PRKCB: variants seen among roughly 807,000 people sequenced by gnomAD.
PRKCB encodes the protein protein kinase C beta.
A neutral mutation model predicts 81.5 loss-of-function variants in PRKCB; 13 were observed. That is an observed-to-expected ratio of 0.16 (90% CI 0.10 to 0.25). The LOEUF (loss-of-function observed/expected upper bound fraction) is 0.25, where lower values mean the gene tolerates loss of function less well. Among genes scored for constraint, PRKCB ranks in the 10% least tolerant of loss-of-function variants. The pLI, the probability that PRKCB is intolerant of heterozygous loss-of-function variation, is 1.00. For missense variants in PRKCB, 509 were observed against 875.7 expected (o/e 0.58, Z 5.29); for synonymous variants, 335 against 321.4 (o/e 1.04, Z -0.45).
intron 2 of PRKCB, among the ~76,000 whole-genome samples, chr16:23,868,072 AC>A (rs1424684096): frequency 6.6e-6 from 1 of 152,084 alleles, no homozygotes; most frequent in Non-Finnish European, 1.5e-5. Flanking sequence ...TTATACACTG[AC>A]CTCAGCCTTT....
intron 10 of PRKCB, among the ~76,000 whole-genome samples, chr16:24,158,395 A>G (rs1297851040): frequency 6.6e-6 from 1 of 152,174 alleles, no homozygotes; most frequent in Non-Finnish European, 1.5e-5. Flanking sequence ...TTCTGTCATC[A>G]TTCCCATTGT....
intron 3 of PRKCB, among the ~76,000 whole-genome samples, chr16:23,991,992 G>A (rs1964891736): frequency 6.6e-6 from 1 of 152,214 alleles, no homozygotes; most frequent in Admixed American, 6.5e-5. Context: ...CTTGGGAGGT[G>A]ATCAGTTCAT....
chr16:24,169,706 A>G (rs1967410372), intron 10 of PRKCB, among the ~76,000 whole-genome samples: 1 of 152,016 alleles, frequency 6.6e-6, no homozygotes, highest in South Asian at 2.1e-4. Context: ...GGTACTCCCA[A>G]TCCTCCATAC....
At chr16:23,880,511 C>T (rs530946445) in intron 2 of PRKCB, among the ~76,000 whole-genome samples, 24 of 152,160 alleles carry the variant, frequency 1.6e-4, no homozygotes, top group Non-Finnish European at 3.4e-4. Flanking sequence ...CTGTTTGGGT[C>T]TCTGTGGGTG....
chr16:23,917,980 A>G (rs111867894), intron 2 of PRKCB, among the ~76,000 whole-genome samples: 5 of 152,338 alleles, frequency 3.3e-5, no homozygotes, highest in African/African-American at 1.2e-4. Context: ...AGCCCTGAAT[A>G]TTTTGCATAT....
At chr16:24,128,562 T>C (rs760960000) in intron 9 of PRKCB, among the ~76,000 whole-genome samples, 1 of 152,228 alleles carries the variant, frequency 6.6e-6, no homozygotes, top group Non-Finnish European at 1.5e-5. Flanking sequence ...TTTGTTTTTT[T>C]AAACAGGCAG....
intron 3 of PRKCB, among the ~76,000 whole-genome samples, chr16:24,016,272 G>A (rs748384452): frequency 1.3e-5 from 2 of 152,120 alleles, no homozygotes; most frequent in African/African-American, 4.8e-5. Flanking sequence ...GCTCACCACG[G>A]CTGTGAGTTT....
intron 13 of PRKCB, among the ~76,000 whole-genome samples, chr16:24,181,830 G>A (rs964310519): frequency 7.0e-6 from 1 of 142,562 alleles, no homozygotes; most frequent in Non-Finnish European, 1.5e-5. Flanking sequence ...ACTATTTATG[G>A]ATGAAACAGA....
chr16:24,082,325 C>T (rs1231461472), intron 5 of PRKCB, among the ~76,000 whole-genome samples: 2 of 152,164 alleles, frequency 1.3e-5, no homozygotes, highest in African/African-American at 4.8e-5. Context: ...AAGTCAAAAT[C>T]CCAGCAGGAT....
intron 5 of PRKCB, among the ~76,000 whole-genome samples, chr16:24,061,038 A>C (rs944384106): frequency 1.3e-5 from 2 of 152,248 alleles, no homozygotes; most frequent in Admixed American, 1.3e-4. Context: ...GTCTAGGTAC[A>C]TAATAGGTGC....
At chr16:23,951,750 A>G (rs1217086781) in intron 2 of PRKCB, among the ~76,000 whole-genome samples, 1 of 151,536 alleles carries the variant, frequency 6.6e-6, no homozygotes, top group Non-Finnish European at 1.5e-5. Flanking sequence ...AATTGATAGT[A>G]ACTCTTTATA....
At chr16:24,136,117 A>G (rs1379159558) in intron 9 of PRKCB, among the ~76,000 whole-genome samples, 1 of 137,238 alleles carries the variant, frequency 7.3e-6, no homozygotes, top group African/African-American at 2.8e-5. Context: ...TTTTTTTGCC[A>G]ACTCATCTTC....
chr16:24,057,524 G>A (rs923291134), intron 5 of PRKCB, among the ~76,000 whole-genome samples: 1 of 152,136 alleles, frequency 6.6e-6, no homozygotes, highest in African/African-American at 2.4e-5. Context: ...CTAGATACTG[G>A]ATGGCTGTAG....
chr16:24,067,939 C>T (rs1213170610), intron 5 of PRKCB, among the ~76,000 whole-genome samples: 2 of 129,476 alleles, frequency 1.5e-5, no homozygotes, highest in Middle Eastern at 3.9e-3. Flanking sequence ...GAGACTCCGT[C>T]TCAAAAAAAA....
intron 7 of PRKCB, among the ~76,000 whole-genome samples, chr16:24,110,758 G>A (rs1395724687): frequency 6.6e-6 from 1 of 152,180 alleles, no homozygotes; most frequent in East Asian, 1.9e-4. Flanking sequence ...GGCCTCAGGT[G>A]ATCCTCCTTC....
At chr16:24,035,627 G>A in intron 5 of PRKCB, 80 bp downstream of exon 5, 1 of 1,413,706 alleles carries the variant, frequency 7.1e-7, no homozygotes, top group Non-Finnish European at 9.6e-7. Context: ...CGGAGGGGTG[G>A]GGCAGTCCAG....
Position 24,219,585 on chromosome 16 carries a change from T to G in PRKCB, c.*4769T>G. 2.0e-6 allele frequency: 2 copies of G among 1,004,300 alleles called. No homozygotes were observed. The highest frequency in any genetic ancestry group is 2.4e-6 in the Non-Finnish European group (2 of 842,094). 62.2% of individuals were successfully genotyped at this position (1,004,300 alleles called of 1,614,324 possible). On this transcript the variant is annotated 3_prime_UTR_variant, in exon 17 of 17. Coordinates refer to ENST00000643927, the MANE Select transcript of PRKCB (RefSeq NM_002738.7). Reference sequence around the variant, plus strand: ...CCAGGACGCTCTACCTAATGATTATTTCTATAACATTAAGCATGGTAATAA... The same window carrying G: ...CCAGGACGCTCTACCTAATGATTATGTCTATAACATTAAGCATGGTAATAA...
intron 2 of PRKCB, among the ~76,000 whole-genome samples, chr16:23,978,272 G>T (rs1218713825): frequency 6.6e-6 from 1 of 152,204 alleles, no homozygotes; most frequent in Non-Finnish European, 1.5e-5. Flanking sequence ...ATGCCCCTCA[G>T]TTCAGCGCAG....
At chr16:24,122,955 C>T (rs1187555504) in intron 8 of PRKCB, among the ~76,000 whole-genome samples, 2 of 152,202 alleles carry the variant, frequency 1.3e-5, no homozygotes, top group Non-Finnish European at 2.9e-5. Context: ...ACACGTGGCC[C>T]TCACTCATCC....
Sources: gnomAD v4.1 joint callset for allele counts (sites outside exome capture counted in the v4.1 genomes callset) on GRCh38, gnomAD v4.1.1 for gene constraint, MANE v1.5 for transcripts, NCBI Gene and HGNC (gene_info 2026-07-23, HGNC 2026-07-21) for gene names.